The following KCNJ6 variants were observed in gnomAD, a reference collection of about 807,000 sequenced individuals.
The protein encoded by KCNJ6 is potassium inwardly rectifying channel subfamily J member 6.
KCNJ6 carries 9 observed loss-of-function variants against 34.2 expected under a neutral mutation model. That is an observed-to-expected ratio of 0.26 (90% CI 0.16 to 0.46). The LOEUF (loss-of-function observed/expected upper bound fraction) is 0.46. Among genes scored for constraint, KCNJ6 ranks in the 20% least tolerant of loss-of-function variants. The pLI is 1.00. For missense variants in KCNJ6, 236 were observed against 531.3 expected, an observed-to-expected ratio of 0.44 and a Z score of 5.46; for synonymous variants, 196 against 207.1, an observed-to-expected ratio of 0.95 and a Z score of 0.46.
At chr21:37,633,114 T>A (rs544956894) in intron 3 of KCNJ6, among the ~76,000 whole-genome samples, 1 of 152,072 alleles carries the variant, frequency 6.6e-6, no homozygotes, top group South Asian at 2.1e-4. Context: ...GCAAACCAAA[T>A]CTAACAGTTT....
intron 2 of KCNJ6, among the ~76,000 whole-genome samples, chr21:37,771,031 G>T (rs558451862): frequency 1.3e-5 from 2 of 152,280 alleles, no homozygotes; most frequent in African/African-American, 4.8e-5. Context: ...GCTTTTGCCT[G>T]TACACAGGAT....
intron 1 of KCNJ6, among the ~76,000 whole-genome samples, chr21:37,914,477 T>A (rs1160685286): frequency 6.6e-6 from 1 of 152,092 alleles, no homozygotes; most frequent in Non-Finnish European, 1.5e-5. Context: ...CTCTCGAGCG[T>A]CGCCGTCAGG....
intron 3 of KCNJ6, among the ~76,000 whole-genome samples, chr21:37,659,377 C>A (rs1052458718): frequency 6.6e-6 from 1 of 152,288 alleles, no homozygotes; most frequent in Non-Finnish European, 1.5e-5. Flanking sequence ...GACAGCAAAG[C>A]CCTTGATGTG....
chr21:37,885,595 G>C (rs1161469107), intron 1 of KCNJ6, among the ~76,000 whole-genome samples: 2 of 152,224 alleles, frequency 1.3e-5, no homozygotes, highest in South Asian at 2.1e-4. Flanking sequence ...CCACATGGAG[G>C]GGACACGTGG....
chr21:37,829,788 C>T (rs951498839), intron 2 of KCNJ6, among the ~76,000 whole-genome samples: 6 of 152,206 alleles, frequency 3.9e-5, no homozygotes, highest in South Asian at 4.1e-4. Flanking sequence ...GCTTTGCCCA[C>T]GCAGGGGTGC....
chr21:37,731,100 AGTGTGTGTGTG>A (rs1466656664), intron 2 of KCNJ6, among the ~76,000 whole-genome samples: 4 of 134,674 alleles, frequency 3.0e-5, no homozygotes, highest in African/African-American at 7.6e-5. Context: ...AGATGAGAGA[AGTGTGTGTGTG>A]TGTGTGTGTG....
intron 2 of KCNJ6, among the ~76,000 whole-genome samples, chr21:37,828,824 T>A (rs1240404661): frequency 6.6e-6 from 1 of 152,204 alleles, no homozygotes; most frequent in Non-Finnish European, 1.5e-5. Context: ...CTGTCCACGC[T>A]TCCCTGATGA....
At chr21:37,765,539 C>G (rs1398894488) in intron 2 of KCNJ6, among the ~76,000 whole-genome samples, 1 of 152,208 alleles carries the variant, frequency 6.6e-6, no homozygotes, top group East Asian at 1.9e-4. Context: ...CAGCCCCAGA[C>G]ACGGAATTCT....
intron 2 of KCNJ6, among the ~76,000 whole-genome samples, chr21:37,785,901 T>C (rs1568847981): frequency 2.0e-5 from 3 of 152,236 alleles, no homozygotes; most frequent in African/African-American, 4.8e-5. Flanking sequence ...CTTCTACCAT[T>C]TGAGGACACA....
intron 3 of KCNJ6, among the ~76,000 whole-genome samples, chr21:37,626,298 T>TTTTTTTTGTA (rs2054310875): frequency 2.6e-5 from 4 of 151,536 alleles, no homozygotes; most frequent in Admixed American, 6.6e-5. Flanking sequence ...GTCCGACTAA[T>TTTTTTTTGTA]TTTTTTTTGT....
In KCNJ6 at chr21:37,892,222, C is replaced by T. The variant is rs868373752; in HGVS notation, c.-28+23662G>A. Among the ~76,000 whole-genome samples the T allele has an allele frequency of 5.9e-5, 9 of 152,204 alleles. No individual in the cohort carries two copies. In the South Asian group the frequency reaches 1.2e-3, roughly 21 times the overall value. The stretch of plus-strand genomic sequence containing the variant: ...AGGAGATGCAAATGTGCAGACAGGG[C>T]GTTGAATCATTTCAGGTCAAATGGG... On this transcript the variant is annotated intron_variant, in intron 1 of 3. Transcript: ENST00000609713.
chr21:37,757,831 C>A (rs78778964), intron 2 of KCNJ6, among the ~76,000 whole-genome samples: 1 of 152,260 alleles, frequency 6.6e-6, no homozygotes. Context: ...CTGGCTGGCT[C>A]GAGCCCAGGT....
In KCNJ6 at chr21:37,847,988, C is replaced by T. The variant is rs369873331; in HGVS notation, c.-27-7279G>A. Among the ~76,000 whole-genome samples the T allele has an allele frequency of 1.1e-4, 16 of 152,152 alleles. No individual in the cohort carries two copies. In the East Asian group the frequency reaches 2.5e-3, roughly 24 times the overall value. On this transcript the variant is annotated intron_variant, in intron 1 of 3. Transcript: ENST00000609713. ...TGAGGAAAGGTGGGGAAGCTTGGTGCGTGAGGAGCAGCAGGTCACAGGGGG... is the reference window on the plus strand; with the variant it reads ...TGAGGAAAGGTGGGGAAGCTTGGTGTGTGAGGAGCAGCAGGTCACAGGGGG...
chr21:37,628,921 C>G (rs1244158236), intron 3 of KCNJ6, among the ~76,000 whole-genome samples: 6 of 152,120 alleles, frequency 3.9e-5, no homozygotes, highest in Non-Finnish European at 7.4e-5. Context: ...GACTGGCAAC[C>G]AAGATTCCAT....
intron 2 of KCNJ6, among the ~76,000 whole-genome samples, chr21:37,804,907 C>T (rs561716829): frequency 3.9e-5 from 6 of 152,216 alleles, no homozygotes; most frequent in African/African-American, 1.4e-4. Context: ...AACAACCAAA[C>T]TGATGAATGG....
intron 2 of KCNJ6, among the ~76,000 whole-genome samples, chr21:37,822,324 G>A (rs181243728): frequency 8.5e-5 from 13 of 152,262 alleles, no homozygotes; most frequent in African/African-American, 2.4e-4. Context: ...CCTCTGATAG[G>A]CACCCATTCC....
chr21:37,613,305 A>G lies in KCNJ6; in HGVS notation c.*11854T>C, dbSNP rs2123349336. 1 of 152,358 alleles carries G rather than the reference A, an allele frequency of 6.6e-6. No individual in the cohort carries two copies. The highest frequency in any genetic ancestry group is 2.4e-5 in the African/African-American group (1 of 41,578). 9.4% of individuals were successfully genotyped at this position (152,358 alleles called of 1,614,324 possible). A position where few individuals can be genotyped will look rare whatever the true frequency, so the allele number is the denominator to read the frequency against. ...GACAACACTAAATGCTGGTGAAGAT[A>G]TGGAGCAACGGGAACCCTCATTCAT... is the stretch of plus-strand genomic sequence containing the variant. On this transcript the variant is annotated 3_prime_UTR_variant, in exon 4 of 4. Coordinates refer to ENST00000609713, the MANE Select transcript of KCNJ6 (RefSeq NM_002240.5).
intron 2 of KCNJ6, among the ~76,000 whole-genome samples, chr21:37,796,778 T>TC (rs2055244398): frequency 5.4e-5 from 3 of 56,002 alleles, no homozygotes; most frequent in Non-Finnish European, 7.2e-5. Flanking sequence ...TTTCTTTCTT[T>TC]CTTTTTTTTT....
Position 37,842,318 on chromosome 21 carries a change from G to A in KCNJ6, c.-27-1609C>T, listed in dbSNP as rs557434485. ...CGGCCCTGGTACAATGCTGAGTACA[G>A]TCTAGCAGTTTGGCTAACACTTGAA... On this transcript the variant is annotated intron_variant, in intron 1 of 3. Coordinates refer to ENST00000609713, the MANE Select transcript of KCNJ6 (RefSeq NM_002240.5). Among the ~76,000 whole-genome samples, 8 of 152,332 alleles carry A rather than the reference G, an allele frequency of 5.3e-5. No homozygotes were observed. The East Asian group carries it at 1.3e-3, about 26-fold the overall frequency.
Sources: allele counts gnomAD v4.1 joint callset (sites outside exome capture counted in the v4.1 genomes callset), GRCh38; gene constraint gnomAD v4.1.1; transcripts MANE v1.5; gene names NCBI Gene and HGNC (gene_info 2026-07-23, HGNC 2026-07-21).